The following YPEL2 variants were observed in gnomAD, a reference collection of about 807,000 sequenced individuals.
YPEL2 encodes yippee like 2, also known as protein yippee-like 2.
Under a neutral mutation model 19.1 loss-of-function variants are expected in YPEL2, and 2 were observed. That is an observed-to-expected ratio of 0.10 (90% confidence interval 0.04 to 0.33). YPEL2 has a LOEUF of 0.33. Among genes scored for constraint, YPEL2 ranks in the 10% least tolerant of loss-of-function variants. YPEL2 has a pLI of 1.00. For synonymous variants in YPEL2, 52 were observed against 50.0 expected (o/e 1.04, Z -0.17); for missense variants, 66 against 140.7 (o/e 0.47, Z 2.68).
chr17:59,355,363 T>C (rs2047807449), intron 2 of YPEL2: 1 of 152,192 alleles, frequency 6.6e-6, no homozygotes, highest in Non-Finnish European at 1.5e-5. Flanking sequence ...AAGTTGAGTA[T>C]GTGGAGATGG....
In YPEL2 at chr17:59,332,238, C is replaced by T. The variant is rs1227229094; in HGVS notation, c.-196+414C>T. ...GGGTCCGGGTGGGGCTGGGGACGCC[C>T]TCCGTCCTCTCGTGACGCCGCGTTT... On this transcript the variant is annotated intron_variant, in intron 1 of 4. Transcript: ENST00000312655. Among the ~76,000 whole-genome samples the T allele has an allele frequency of 4.6e-5, 7 of 152,230 alleles. No individual in the cohort carries two copies. The East Asian group carries it at 1.2e-3, about 25-fold the overall frequency.
At chr17:59,332,344 A>G (rs2047675268) in intron 1 of YPEL2, among the ~76,000 whole-genome samples, 1 of 151,844 alleles carries the variant, frequency 6.6e-6, no homozygotes, top group African/African-American at 2.4e-5. Flanking sequence ...CGCCCTCGAA[A>G]TTTCTCGGAG....
At chr17:59,387,904 G>A (rs970039116) in intron 2 of YPEL2, among the ~76,000 whole-genome samples, 5 of 152,234 alleles carry the variant, frequency 3.3e-5, no homozygotes, top group African/African-American at 7.2e-5. Context: ...GAGGCCAAGC[G>A]AAGGAGCTTG....
intron 4 of YPEL2, 68 bp downstream of exon 4, chr17:59,389,536 CTT>C: frequency 1.6e-6 from 2 of 1,216,720 alleles, no homozygotes; most frequent in Non-Finnish European, 2.4e-6. Context: ...TGCCAGAACA[CTT>C]TCTTCTACTC....
chr17:59,380,564 C>A (rs1304678646), intron 2 of YPEL2, among the ~76,000 whole-genome samples: 1 of 152,216 alleles, frequency 6.6e-6, no homozygotes, highest in African/African-American at 2.4e-5. Context: ...GCCACCACGG[C>A]CAGCCCTAAC....
chr17:59,364,226 A>T (rs1394907160), intron 2 of YPEL2, among the ~76,000 whole-genome samples: 1 of 152,122 alleles, frequency 6.6e-6, no homozygotes, highest in Non-Finnish European at 1.5e-5. Context: ...CATTTTACAG[A>T]TTAGGAAACC....
At chr17:59,383,292 TAC>T (rs2047959141) in intron 2 of YPEL2, among the ~76,000 whole-genome samples, 1 of 151,900 alleles carries the variant, frequency 6.6e-6, no homozygotes, top group Non-Finnish European at 1.5e-5. Context: ...TATTTAGTCT[TAC>T]AGTCTTATAA....
intron 2 of YPEL2, among the ~76,000 whole-genome samples, chr17:59,362,227 T>C (rs1345728941): frequency 1.3e-5 from 2 of 152,018 alleles, no homozygotes; most frequent in East Asian, 1.9e-4. Flanking sequence ...CAAATACTCA[T>C]TGACCACTGC....
At chr17:59,340,592 C>T (rs2047723918) in intron 1 of YPEL2, among the ~76,000 whole-genome samples, 1 of 149,988 alleles carries the variant, frequency 6.7e-6, no homozygotes, top group Admixed American at 6.7e-5. Flanking sequence ...ATTTTTTATA[C>T]TTTCAGTAGA....
intron 1 of YPEL2, among the ~76,000 whole-genome samples, chr17:59,342,391 G>A (rs1248634817): frequency 6.6e-6 from 1 of 152,238 alleles, no homozygotes; most frequent in Non-Finnish European, 1.5e-5. Flanking sequence ...GTGGCATAGG[G>A]GAGCCTGACT....
chr17:59,399,505 C>G lies in YPEL2; in HGVS notation c.*2315C>G, dbSNP rs1185369018. 6.6e-6 allele frequency: 1 copy of G among 151,260 alleles called. No individual in the cohort carries two copies. Among genetic ancestry groups the G allele is most frequent in the Non-Finnish European group, 1.5e-5 (1 of 67,902 alleles). The allele number at this position is 151,260 out of a possible 1,614,324, so 9.4% of individuals were successfully genotyped here. On this transcript the variant is annotated 3_prime_UTR_variant, in exon 5 of 5. Transcript: ENST00000312655. ...TGACTGTTGGATGGATCAGAGCAGG[C>G]TCCAGTCAGACCCTGGTTCTGAATG...
At chr17:59,392,742 C>G (rs1032685131) in intron 4 of YPEL2, among the ~76,000 whole-genome samples, 8 of 151,930 alleles carry the variant, frequency 5.3e-5, no homozygotes, top group Non-Finnish European at 1.2e-4. Flanking sequence ...TCGAACTCCT[C>G]ACCTCGTGAT....
At chr17:59,381,152 C>G (rs910186893) in intron 2 of YPEL2, among the ~76,000 whole-genome samples, 2 of 152,242 alleles carry the variant, frequency 1.3e-5, no homozygotes, top group Non-Finnish European at 2.9e-5. Flanking sequence ...GGTTAACTGA[C>G]TCTTCCAGGG....
intron 3 of YPEL2, 100 bp from the exon 4 acceptor site, chr17:59,389,260 G>T: frequency 9.2e-7 from 1 of 1,089,354 alleles, no homozygotes. Context: ...GGCTCCCCTT[G>T]GGACAGCCTT....
At chr17:59,369,003 C>T (rs981500867) in intron 2 of YPEL2, among the ~76,000 whole-genome samples, 2 of 152,090 alleles carry the variant, frequency 1.3e-5, no homozygotes, top group Non-Finnish European at 2.9e-5. Flanking sequence ...AGATCACTGG[C>T]AAACAGCAGG....
intron 4 of YPEL2, among the ~76,000 whole-genome samples, chr17:59,394,902 C>T (rs867254982): frequency 6.6e-6 from 1 of 152,238 alleles, no homozygotes; most frequent in South Asian, 2.1e-4. Context: ...GCCCGGCCAA[C>T]ACAGCGAAAC....
intron 4 of YPEL2, among the ~76,000 whole-genome samples, chr17:59,394,382 G>A (rs1280674081): frequency 1.3e-4 from 20 of 148,378 alleles, no homozygotes; most frequent in Non-Finnish European, 2.2e-4. Context: ...ACGGGGCGGC[G>A]GGGCAGAGGC....
chr17:59,399,699 C>T lies in YPEL2; in HGVS notation c.*2509C>T, dbSNP rs1402166674. On this transcript the variant is annotated 3_prime_UTR_variant, in exon 5 of 5. Transcript: ENST00000312655. ...CCAAAAGTGCTTCTTACAACGTTCG[C>T]TCTGTTCATGGGTTGTCTATCTAAC... 6.6e-6 allele frequency: 1 copy of T among 152,670 alleles called. No individual in the cohort carries two copies. The highest frequency in any genetic ancestry group is 2.4e-5 in the African/African-American group (1 of 41,456). The allele number at this position is 152,670 out of a possible 1,614,324, so 9.5% of individuals were successfully genotyped here.
chr17:59,397,003 C>A, intron 4 of YPEL2, 98 bp from the exon 5 acceptor site: 1 of 831,956 alleles, frequency 1.2e-6, no homozygotes, highest in East Asian at 3.2e-5. Context: ...TGCACTCCAG[C>A]CTGGGTGACA....
Sources: gnomAD v4.1 joint callset for allele counts (sites outside exome capture counted in the v4.1 genomes callset) on GRCh38, gnomAD v4.1.1 for gene constraint, MANE v1.5 for transcripts, NCBI Gene and HGNC (gene_info 2026-07-23, HGNC 2026-07-21) for gene names.